The following SHISA9 variants were observed in gnomAD, a reference collection of about 807,000 sequenced individuals.
SHISA9 encodes the protein protein shisa-9.
Under a neutral mutation model 38.0 loss-of-function variants are expected in SHISA9, and 13 were observed. That is an observed-to-expected ratio of 0.34 (90% CI 0.22 to 0.54). The LOEUF (loss-of-function observed/expected upper bound fraction) is 0.54. Ranked by LOEUF, SHISA9 falls within the 20% of genes least tolerant of loss-of-function variation. The pLI, the probability that SHISA9 is intolerant of heterozygous loss-of-function variation, is 0.91. For missense variants in SHISA9, 538 were observed against 575.8 expected (o/e 0.93, Z 0.67); for synonymous variants, 275 against 242.0 (o/e 1.14, Z -1.27).
At chr16:13,034,699 C>T (rs984722467) in intron 2 of SHISA9, among the ~76,000 whole-genome samples, 5 of 152,106 alleles carry the variant, frequency 3.3e-5, no homozygotes, top group Non-Finnish European at 7.4e-5. Context: ...TTGTTTTGGC[C>T]AATAGAATAT....
chr16:13,496,588 T>C, the SHISA9 span, among the ~76,000 whole-genome samples: 1 of 152,064 alleles, frequency 6.6e-6, no homozygotes, highest in African/African-American at 2.4e-5. Context: ...AATAAGGAAG[T>C]TCATCACTGC....
chr16:13,217,115 C>CAA (rs1419852644), intron 4 of SHISA9, among the ~76,000 whole-genome samples: 76 of 145,624 alleles, frequency 5.2e-4, no homozygotes, highest in Middle Eastern at 3.6e-3. Flanking sequence ...ACTAAAAATA[C>CAA]AAAAAAAAAA....
chr16:13,549,736 G>C, the SHISA9 span, among the ~76,000 whole-genome samples: 2 of 151,998 alleles, frequency 1.3e-5, no homozygotes, highest in Non-Finnish European at 2.9e-5. Context: ...GTTAATATTA[G>C]AGCTGAGGCC....
the SHISA9 span, among the ~76,000 whole-genome samples, chr16:13,487,180 C>G: frequency 6.6e-5 from 10 of 152,286 alleles, no homozygotes; most frequent in East Asian, 1.9e-3. Flanking sequence ...CTGGCAGATA[C>G]CAAAATCTGC....
At chr16:13,020,795 G>A (rs1003281231) in intron 2 of SHISA9, among the ~76,000 whole-genome samples, 1 of 152,198 alleles carries the variant, frequency 6.6e-6, no homozygotes, top group Non-Finnish European at 1.5e-5. Context: ...TGGAAGGATA[G>A]GTTCCTAGCT....
At chr16:12,906,701 C>A (rs943545764) in intron 1 of SHISA9, among the ~76,000 whole-genome samples, 6 of 152,200 alleles carry the variant, frequency 3.9e-5, no homozygotes, top group Admixed American at 6.5e-5. Flanking sequence ...ACAAAAAAAC[C>A]TTGAAAAATC....
At chr16:13,263,682 A>T in the SHISA9 span, among the ~76,000 whole-genome samples, 3 of 152,184 alleles carry the variant, frequency 2.0e-5, no homozygotes, top group African/African-American at 7.2e-5. Context: ...GAACAGACTA[A>T]TACAGTCAGG....
At chr16:13,549,770 A>C in the SHISA9 span, among the ~76,000 whole-genome samples, 1 of 152,094 alleles carries the variant, frequency 6.6e-6, no homozygotes, top group African/African-American at 2.4e-5. Flanking sequence ...CACACCTGTA[A>C]TCTCAGCACT....
intron 2 of SHISA9, among the ~76,000 whole-genome samples, chr16:12,960,296 T>C (rs547592424): frequency 1.3e-5 from 2 of 152,210 alleles, no homozygotes; most frequent in South Asian, 4.2e-4. Context: ...TATTTTATTA[T>C]TTTTTTTAAG....
At chr16:13,383,434 T>G in the SHISA9 span, among the ~76,000 whole-genome samples, 2 of 152,216 alleles carry the variant, frequency 1.3e-5, no homozygotes, top group South Asian at 4.1e-4. Flanking sequence ...AAGAATAGTA[T>G]TCTGCCATTT....
the SHISA9 span, among the ~76,000 whole-genome samples, chr16:13,365,086 C>T: frequency 6.6e-6 from 1 of 152,146 alleles, no homozygotes; most frequent in Non-Finnish European, 1.5e-5. Context: ...GGCAGGTATT[C>T]AGTACCTATA....
chr16:13,066,885 C>T (rs943708733), intron 2 of SHISA9, among the ~76,000 whole-genome samples: 1 of 152,214 alleles, frequency 6.6e-6, no homozygotes, highest in Admixed American at 6.5e-5. Flanking sequence ...TTCCAGGATC[C>T]TCCTGCATTG....
chr16:13,053,121 A>G lies in SHISA9; in HGVS notation c.691+136306A>G, dbSNP rs569800346. ...TGGGATTACAGGTGTCTGCTACCAC[A>G]CTGGCTAATTTTTGTATTTTTAGTA... On this transcript the variant is annotated intron_variant, in intron 2 of 4. Transcript: ENST00000558583. 2.6e-5 allele frequency among the ~76,000 whole-genome samples: 4 copies of G among 151,610 alleles called. No individual in the cohort carries two copies. The South Asian group carries it at 6.3e-4, about 24-fold the overall frequency.
chr16:13,231,018 G>A (rs1387490475), intron 4 of SHISA9, among the ~76,000 whole-genome samples: 1 of 152,148 alleles, frequency 6.6e-6, no homozygotes, highest in Non-Finnish European at 1.5e-5. Flanking sequence ...TATGACTTGT[G>A]CCAGGCTTCT....
In SHISA9 at chr16:13,235,154, C is replaced by A. The variant is rs369282196; in HGVS notation, c.1020C>A (p.His340Gln). Reference sequence around the variant, plus strand: ...AGCCCCGGGCCTTCAGCCCTGAGCACGGTCCTGCCAAGCAGAATGGACAGA... The same window carrying A: ...AGCCCCGGGCCTTCAGCCCTGAGCAAGGTCCTGCCAAGCAGAATGGACAGA... Reference protein sequence around the residue: ...EDEPRAFSPEHGPAKQNGQKS... With the variant: ...EDEPRAFSPEQGPAKQNGQKS... The change falls in exon 5 of 5, where the codon CAC becomes CAA. Residue 340 changes from histidine (H) to glutamine (Q), a missense_variant. Physicochemically the swap from His to Gln is conservative, Grantham distance 24. This residue lies in a region of SHISA9 where 326 missense variants were observed against 305.9 expected (regional missense o/e 1.07). Coordinates refer to ENST00000558583, the MANE Select transcript of SHISA9 (RefSeq NM_001145204.3). The A allele has an allele frequency of 6.4e-6, 10 of 1,551,614 alleles. No individual in the cohort carries two copies. The African/African-American group carries it at 1.1e-4, about 17-fold the overall frequency.
chr16:12,952,102 G>A (rs1004672648), intron 2 of SHISA9, among the ~76,000 whole-genome samples: 5 of 152,138 alleles, frequency 3.3e-5, no homozygotes, highest in South Asian at 4.1e-4. Context: ...TAATGCAGAC[G>A]TAAACATGGA....
At chr16:13,152,238 T>A (rs2050505967) in intron 2 of SHISA9, among the ~76,000 whole-genome samples, 1 of 151,924 alleles carries the variant, frequency 6.6e-6, no homozygotes, top group Non-Finnish European at 1.5e-5. Context: ...TTTCAGACAC[T>A]TTTTTTTCCC....
At chr16:13,076,957 G>C (rs141681205) in intron 2 of SHISA9, among the ~76,000 whole-genome samples, 1 of 152,274 alleles carries the variant, frequency 6.6e-6, no homozygotes, top group Non-Finnish European at 1.5e-5. Context: ...TTAGCTCGTA[G>C]TGTCAATGAC....
At chr16:13,475,844 C>G in the SHISA9 span, among the ~76,000 whole-genome samples, 14 of 152,162 alleles carry the variant, frequency 9.2e-5, no homozygotes, top group Non-Finnish European at 1.5e-5. Flanking sequence ...TCATAAGGAA[C>G]AGGCAACCTA....
Sources: gnomAD v4.1 joint callset for allele counts (sites outside exome capture counted in the v4.1 genomes callset) on GRCh38, gnomAD v4.1.1 for gene constraint, gnomAD v4.1.1 regional missense constraint, MANE v1.5 for transcripts, NCBI Gene and HGNC (gene_info 2026-07-23, HGNC 2026-07-21) for gene names.